The following F13A1 variants were observed in gnomAD, a reference collection of about 807,000 sequenced individuals.
F13A1 encodes coagulation factor XIII A chain, also known as FSF, A subunit.
Under a neutral mutation model 80.1 loss-of-function variants are expected in F13A1, and 47 were observed. That is an observed-to-expected ratio of 0.59 (90% CI 0.46 to 0.75). F13A1 has a LOEUF of 0.75. Ranked by LOEUF, F13A1 falls within the 30% of genes least tolerant of loss-of-function variation. F13A1 has a pLI of 0.00. For synonymous variants in F13A1, 349 were observed against 344.9 expected, an observed-to-expected ratio of 1.01 and a Z score of -0.13; for missense variants, 817 against 930.4, an observed-to-expected ratio of 0.88 and a Z score of 1.59.
intron 3 of F13A1, among the ~76,000 whole-genome samples, chr6:6,300,239 G>A (rs1355534257): frequency 6.9e-6 from 1 of 145,738 alleles, no homozygotes; most frequent in Non-Finnish European, 1.5e-5. Context: ...ACAGAGGCAG[G>A]CTGGCCTCCT....
Position 6,174,783 on chromosome 6 carries a change from G to T in F13A1, c.1544C>A (p.Ser515Ter). 6.2e-7 allele frequency: 1 copy of T among 1,614,202 alleles called. No homozygotes were observed. The highest frequency in any genetic ancestry group is 1.1e-5 in the South Asian group (1 of 91,082). The stretch of plus-strand genomic sequence containing the variant: ...AAAGTCCATGTCAACGTTGGACCTT[G>T]ATTTCATGACACCTTCTGTGTTGAG... ...KPLNTEGVMK[S>*]RSNVDMDFEV... The change falls in exon 12 of 15, where the codon TCA (serine) becomes TAA (stop). Residue 515 changes from serine to a stop codon, truncating the protein, a stop_gained. Transcript: ENST00000264870. LOFTEE classifies it high-confidence loss of function.
At chr6:6,181,952 G>C (rs779039364) in intron 11 of F13A1, 36 bp downstream of exon 11, 89 of 1,611,294 alleles carry the variant, frequency 5.5e-5, no homozygotes, top group Non-Finnish European at 7.3e-5. Context: ...CAATGGACTT[G>C]GGCAAATAAA....
chr6:6,255,415 G>C (rs1205642199), intron 4 of F13A1, among the ~76,000 whole-genome samples: 1 of 152,166 alleles, frequency 6.6e-6, no homozygotes, highest in African/African-American at 2.4e-5. Flanking sequence ...CATGCAGCTA[G>C]TGAGTTGTGA....
chr6:6,167,696 AC>A, intron 12 of F13A1, 78 bp from the exon 13 acceptor site: 2 of 1,527,554 alleles, frequency 1.3e-6, no homozygotes, highest in Non-Finnish European at 1.8e-6. Context: ...AAGTTTCCCT[AC>A]CCCTCCCACA....
At chr6:6,253,888 A>G (rs148814848) in intron 4 of F13A1, among the ~76,000 whole-genome samples, 1 of 152,326 alleles carries the variant, frequency 6.6e-6, no homozygotes, top group East Asian at 1.9e-4. Flanking sequence ...TAAGAAAAAA[A>G]GTGTCAGTAA....
intron 4 of F13A1, 76 bp downstream of exon 4, chr6:6,266,482 G>C (rs143144048): frequency 6.2e-7 from 1 of 1,609,752 alleles, no homozygotes; most frequent in East Asian, 2.2e-5. Context: ...AAAGAGCTGG[G>C]AGTATAGGCA....
intron 8 of F13A1, among the ~76,000 whole-genome samples, chr6:6,219,187 C>T (rs1487703320): frequency 2.6e-5 from 4 of 152,004 alleles, no homozygotes; most frequent in Non-Finnish European, 5.9e-5. Context: ...AGTATGAGGC[C>T]AATAGCTCCT....
chr6:6,276,217 C>T (rs1204416060), intron 3 of F13A1, among the ~76,000 whole-genome samples: 6 of 152,166 alleles, frequency 3.9e-5, no homozygotes, highest in African/African-American at 1.4e-4. Context: ...TCTCTGACTT[C>T]GAGGTAGGTT....
intron 2 of F13A1, among the ~76,000 whole-genome samples, chr6:6,317,909 C>A (rs1379337541): frequency 6.6e-6 from 1 of 152,220 alleles, no homozygotes; most frequent in Non-Finnish European, 1.5e-5. Flanking sequence ...TCACCACTGA[C>A]AGGGCTGAGA....
chr6:6,206,305 T>C, intron 8 of F13A1: 1 of 362,320 alleles, frequency 2.8e-6, no homozygotes, highest in South Asian at 2.1e-5. Context: ...CATACTTTAT[T>C]AGTTTCTAAT....
intron 2 of F13A1, among the ~76,000 whole-genome samples, chr6:6,306,483 A>G (rs1376319781): frequency 6.6e-6 from 1 of 152,242 alleles, no homozygotes; most frequent in Non-Finnish European, 1.5e-5. Context: ...AGCATTTAGC[A>G]AAGGGTCTGA....
chr6:6,151,720 TG>T, intron 14 of F13A1, 92 bp downstream of exon 14: 1 of 1,554,908 alleles, frequency 6.4e-7, no homozygotes, highest in Non-Finnish European at 8.9e-7. Context: ...ACATTTTCAC[TG>T]GGGAGCAGAT....
chr6:6,151,784 C>T (rs367669993), intron 14 of F13A1, 29 bp downstream of exon 14: 18 of 1,613,762 alleles, frequency 1.1e-5, no homozygotes, highest in Non-Finnish European at 1.4e-5. Flanking sequence ...CCTGCACTGC[C>T]TGCCCGGTCT....
At chr6:6,252,087 T>G (rs1757640508) in intron 4 of F13A1, among the ~76,000 whole-genome samples, 1 of 152,148 alleles carries the variant, frequency 6.6e-6, no homozygotes, top group Admixed American at 6.5e-5. Flanking sequence ...GAGAAAAATA[T>G]TTCATGACAC....
At chr6:6,194,286 G>A (rs1040546083) in intron 10 of F13A1, among the ~76,000 whole-genome samples, 2 of 152,152 alleles carry the variant, frequency 1.3e-5, no homozygotes, top group South Asian at 2.1e-4. Flanking sequence ...TCTGCACTGC[G>A]TTCCTTCAGC....
chr6:6,238,514 A>G (rs1006313061), intron 6 of F13A1, among the ~76,000 whole-genome samples: 1 of 152,128 alleles, frequency 6.6e-6, no homozygotes, highest in Admixed American at 6.5e-5. Flanking sequence ...AGAACAATGA[A>G]AAAATTTGAT....
At chr6:6,241,621 C>T (rs3851510) in intron 6 of F13A1, among the ~76,000 whole-genome samples, 3,952 of 152,172 alleles carry the variant, frequency 0.026, 178 homozygotes, top group African/African-American at 0.09. Context: ...GATGTATCTA[C>T]GACCGTTCAC....
intron 11 of F13A1, 152 bp downstream of exon 11, chr6:6,181,836 C>T (rs567949422): frequency 3.3e-5 from 27 of 810,890 alleles, no homozygotes; most frequent in African/African-American, 1.9e-4. Context: ...GCATATGTGA[C>T]GTGTCTTTCA....
At chr6:6,209,808 G>T (rs1398622702) in intron 8 of F13A1, among the ~76,000 whole-genome samples, 2 of 152,232 alleles carry the variant, frequency 1.3e-5, no homozygotes, top group Non-Finnish European at 2.9e-5. Flanking sequence ...AATCCATAGA[G>T]AGAGAAAGTA....
Sources: allele counts gnomAD v4.1 joint callset (sites outside exome capture counted in the v4.1 genomes callset), GRCh38; gene constraint gnomAD v4.1.1; transcripts MANE v1.5; gene names NCBI Gene and HGNC (gene_info 2026-07-23, HGNC 2026-07-21).